Variants in CAMK1D observed in about 807,000 individuals in gnomAD.
CAMK1D encodes the protein calcium/calmodulin-dependent protein kinase type 1D.
In CAMK1D, 9 loss-of-function variants were observed where a neutral mutation model predicts 47.7. The ratio of observed to expected loss-of-function variants is 0.19; its 90% confidence interval spans 0.11 to 0.33. CAMK1D has a LOEUF of 0.33. Among genes scored for constraint, CAMK1D ranks in the 10% least tolerant of loss-of-function variants. The pLI, the probability that CAMK1D is intolerant of heterozygous loss-of-function variation, is 1.00. For missense variants in CAMK1D, 291 were observed against 488.7 expected (o/e 0.60, Z 3.81); for synonymous variants, 184 against 184.9 (o/e 0.99, Z 0.04).
chr10:12,398,506 G>A (rs1177466315), intron 1 of CAMK1D, among the ~76,000 whole-genome samples: 1 of 152,062 alleles, frequency 6.6e-6, no homozygotes, highest in South Asian at 2.1e-4. Context: ...CTGCCACTAT[G>A]CCTGGCTAAT....
chr10:12,791,285 T>C (rs1837967854), intron 6 of CAMK1D, 52 bp downstream of exon 6: 9 of 1,512,904 alleles, frequency 5.9e-6, no homozygotes, highest in South Asian at 1.1e-5. Flanking sequence ...TTTTTTTGTT[T>C]GGTGAAATAT....
rs116248296 is a variant in CAMK1D, at chr10:12,674,760, G to A, written c.299+7950G>A. Reference sequence around the variant, plus strand: ...GTAGAATATTAATCCAGGGTCAGGCGCGGTGGCTCACGCCTGTAATCCCAG... The same window carrying A: ...GTAGAATATTAATCCAGGGTCAGGCACGGTGGCTCACGCCTGTAATCCCAG... On this transcript the variant is annotated intron_variant, in intron 3 of 10. Coordinates refer to ENST00000619168, the MANE Select transcript of CAMK1D (RefSeq NM_153498.4). Among the ~76,000 whole-genome samples, 1,484 of 151,850 alleles carry A rather than the reference G, an allele frequency of 9.8e-3. 26 individuals are homozygous for A. The highest frequency in any genetic ancestry group is 0.034 in the African/African-American group (1,389 of 41,434).
At chr10:12,421,671 G>A (rs1002313652) in intron 1 of CAMK1D, among the ~76,000 whole-genome samples, 19 of 151,428 alleles carry the variant, frequency 1.3e-4, no homozygotes, top group African/African-American at 1.7e-4. Context: ...GTCTACAGGT[G>A]TGCATCACCA....
intron 1 of CAMK1D, among the ~76,000 whole-genome samples, chr10:12,369,667 G>A (rs1246745442): frequency 8.6e-5 from 13 of 152,038 alleles, no homozygotes; most frequent in Non-Finnish European, 1.9e-4. Flanking sequence ...TATTTAAATA[G>A]CATTATGTTG....
At chr10:12,544,988 A>C (rs1233363477) in intron 1 of CAMK1D, among the ~76,000 whole-genome samples, 1 of 152,172 alleles carries the variant, frequency 6.6e-6, no homozygotes, top group East Asian at 1.9e-4. Context: ...CCTGATGGGG[A>C]ATCAGAGGAG....
chr10:12,380,071 C>T (rs1472879686), intron 1 of CAMK1D, among the ~76,000 whole-genome samples: 3 of 151,886 alleles, frequency 2.0e-5, no homozygotes, highest in East Asian at 1.9e-4. Flanking sequence ...AAAAATTAGC[C>T]GGGCGTGGTG....
At chr10:12,618,659 T>C (rs1838897515) in intron 2 of CAMK1D, among the ~76,000 whole-genome samples, 1 of 152,192 alleles carries the variant, frequency 6.6e-6, no homozygotes, top group Non-Finnish European at 1.5e-5. Context: ...TTACTAAGTA[T>C]TAATTGAGTA....
rs538759881 is a variant in CAMK1D at position 12,801,464 on chromosome 10, C to T, written c.641+10231C>T. Among the ~76,000 whole-genome samples, 9 of 149,670 alleles carry T rather than the reference C, an allele frequency of 6.0e-5. No individual in the cohort carries two copies. The East Asian group carries it at 1.2e-3, about 20-fold the overall frequency. On this transcript the variant is annotated intron_variant, in intron 6 of 10. Transcript: ENST00000619168. ...CCATCCATCCATTCATCTATCTATCCGTCATCTATCTATCCATTCATCCAT... is the reference window on the plus strand; with the variant it reads ...CCATCCATCCATTCATCTATCTATCTGTCATCTATCTATCCATTCATCCAT...
chr10:12,432,679 G>A (rs115321106), intron 1 of CAMK1D, among the ~76,000 whole-genome samples: 2,798 of 152,322 alleles, frequency 0.018, 93 homozygotes, highest in African/African-American at 0.064. Flanking sequence ...ATAAATGAAT[G>A]GGTGAGTTGA....
chr10:12,411,404 C>T (rs68188255), intron 1 of CAMK1D, among the ~76,000 whole-genome samples: 23,971 of 152,042 alleles, frequency 0.16, 2,130 homozygotes, highest in East Asian at 0.2. Flanking sequence ...TTCCTGTGGC[C>T]GAGATGGTCG....
At chr10:12,522,790 A>C (rs1445078174) in intron 1 of CAMK1D, among the ~76,000 whole-genome samples, 22 of 127,180 alleles carry the variant, frequency 1.7e-4, no homozygotes, top group East Asian at 5.0e-4. Context: ...AGAGGCGCCC[A>C]CCACCTCCCA....
intron 3 of CAMK1D, among the ~76,000 whole-genome samples, chr10:12,691,355 A>G (rs1317826800): frequency 3.8e-4 from 2 of 5,310 alleles, no homozygotes; most frequent in East Asian, 0.014. Flanking sequence ...TTTTCTATAT[A>G]TATATATATA....
intron 6 of CAMK1D, among the ~76,000 whole-genome samples, chr10:12,801,358 C>A (rs369508119): frequency 8.7e-6 from 1 of 115,224 alleles, no homozygotes. Context: ...TCTATCTTAT[C>A]TATCTATCTA....
chr10:12,774,431 G>A (rs1837183701), intron 5 of CAMK1D, among the ~76,000 whole-genome samples: 1 of 152,126 alleles, frequency 6.6e-6, no homozygotes, highest in Non-Finnish European at 1.5e-5. Context: ...AAGCAGCAGG[G>A]AGCAGGGGAA....
At chr10:12,406,918 C>T (rs577395617) in intron 1 of CAMK1D, among the ~76,000 whole-genome samples, 23 of 151,958 alleles carry the variant, frequency 1.5e-4, no homozygotes, top group Non-Finnish European at 2.4e-4. Flanking sequence ...TAGAGGAGAT[C>T]GAGGCCACCT....
chr10:12,703,667 G>A (rs1277505053), intron 3 of CAMK1D, among the ~76,000 whole-genome samples: 1 of 152,154 alleles, frequency 6.6e-6, no homozygotes, highest in African/African-American at 2.4e-5. Flanking sequence ...TCAGGAGTTC[G>A]AGACCAGCCT....
chr10:12,378,996 G>A (rs866772595), intron 1 of CAMK1D, among the ~76,000 whole-genome samples: 2 of 151,974 alleles, frequency 1.3e-5, no homozygotes, highest in Non-Finnish European at 2.9e-5. Context: ...TTTTAGTGGA[G>A]ACAAGGTTTC....
chr10:12,596,975 CAAGGT>C (rs1838164610), intron 2 of CAMK1D, among the ~76,000 whole-genome samples: 1 of 152,030 alleles, frequency 6.6e-6, no homozygotes, highest in African/African-American at 2.4e-5. Context: ...ACAGGATACT[CAAGGT>C]AAATGCTAAG....
At chr10:12,811,641 G>C (rs969441764) in intron 6 of CAMK1D, among the ~76,000 whole-genome samples, 1 of 152,084 alleles carries the variant, frequency 6.6e-6, no homozygotes, top group East Asian at 1.9e-4. Flanking sequence ...TAAAAAACTG[G>C]CACCCAGAGA....
Sources: allele counts gnomAD v4.1 joint callset (sites outside exome capture counted in the v4.1 genomes callset), GRCh38; gene constraint gnomAD v4.1.1; transcripts MANE v1.5; gene names NCBI Gene and HGNC (gene_info 2026-07-23, HGNC 2026-07-21).